DLGAP4: variants seen among roughly 807,000 people sequenced by gnomAD.
The protein encoded by DLGAP4 is DLG associated protein 4.
DLGAP4 carries 18 observed loss-of-function variants against 86.9 expected under a neutral mutation model. The ratio of observed to expected loss-of-function variants is 0.21; its 90% CI spans 0.14 to 0.31. DLGAP4 has a LOEUF of 0.31. DLGAP4 is among the 10% of genes least tolerant of loss of function. DLGAP4 has a pLI of 1.00. For synonymous variants in DLGAP4, 548 were observed against 574.3 expected (o/e 0.95, Z 0.65); for missense variants, 1,085 against 1,362.6 (o/e 0.80, Z 3.21).
intron 1 of DLGAP4, among the ~76,000 whole-genome samples, chr20:36,330,973 A>G (rs943815128): frequency 6.6e-6 from 1 of 152,296 alleles, no homozygotes; most frequent in East Asian, 1.9e-4. Context: ...TATTACTATT[A>G]TGAGTATCAT....
At chr20:36,501,010 C>T (rs2036121239) in intron 10 of DLGAP4, among the ~76,000 whole-genome samples, 1 of 151,750 alleles carries the variant, frequency 6.6e-6, no homozygotes, top group East Asian at 1.9e-4. Flanking sequence ...TGTGAAGGGC[C>T]TGATGACCTG....
At chr20:36,449,687 C>T (rs1318237212) in intron 7 of DLGAP4, among the ~76,000 whole-genome samples, 3 of 152,156 alleles carry the variant, frequency 2.0e-5, no homozygotes, top group Non-Finnish European at 4.4e-5. Flanking sequence ...TAGACAGCAC[C>T]CCTAGCAATT....
intron 2 of DLGAP4, among the ~76,000 whole-genome samples, chr20:36,417,080 T>C (rs957685223): frequency 2.0e-5 from 3 of 152,084 alleles, no homozygotes; most frequent in Non-Finnish European, 4.4e-5. Context: ...AGCAGGATAA[T>C]CAGAGACCCT....
At chr20:36,513,901 T>C (rs149336777) in intron 10 of DLGAP4, among the ~76,000 whole-genome samples, 7 of 152,194 alleles carry the variant, frequency 4.6e-5, no homozygotes, top group Non-Finnish European at 1.0e-4. Context: ...AAATTTGATA[T>C]GCTTTGTTAG....
chr20:36,439,737 T>C lies in DLGAP4; in HGVS notation c.1242-17T>C, dbSNP rs538760499. 1 of 1,607,210 alleles carries C rather than the reference T, an allele frequency of 6.2e-7. No homozygotes were observed. Among genetic ancestry groups the C allele is most frequent in the Non-Finnish European group, 8.5e-7 (1 of 1,176,576 alleles). ...AATGGGTGGGCTGAGCCCTGTCTGC[T>C]CCCCACTCCCCACCAGGAGTCTGGA... On this transcript the variant is annotated splice_polypyrimidine_tract_variant and intron_variant, in intron 4 of 12. Transcript: ENST00000339266.
chr20:36,517,076 C>T (rs1285353988), intron 10 of DLGAP4, among the ~76,000 whole-genome samples: 1 of 145,564 alleles, frequency 6.9e-6, no homozygotes. Context: ...GAACCTGTGT[C>T]TTAAAAAAAA....
chr20:36,405,481 A>G (rs1384911165), intron 2 of DLGAP4, among the ~76,000 whole-genome samples: 1 of 152,130 alleles, frequency 6.6e-6, no homozygotes, highest in Non-Finnish European at 1.5e-5. Context: ...AGGCTGGGAC[A>G]TTTCTGGCAG....
rs377116384 is a variant in DLGAP4, at chr20:36,373,541, C to T, written c.-73+6266C>T. ...CCTGGGCCTGTGTACCATCCACCAC[C>T]AGCTGGGGGTGGGGTCAATACCACT... On this transcript the variant is annotated intron_variant, in intron 2 of 12. Transcript: ENST00000339266. Among the ~76,000 whole-genome samples the T allele has an allele frequency of 1.1e-4, 16 of 152,220 alleles. No homozygotes were observed. The East Asian group carries it at 1.4e-3, about 13-fold the overall frequency.
At chr20:36,499,409 T>G in intron 8 of DLGAP4, 179 bp from the exon 9 acceptor site, 1 of 1,386,226 alleles carries the variant, frequency 7.2e-7, no homozygotes, top group Non-Finnish European at 9.8e-7. Flanking sequence ...GAATGAGCAG[T>G]GCCCGGCTTA....
chr20:36,361,978 C>CAAAAA (rs545997891), intron 1 of DLGAP4, among the ~76,000 whole-genome samples: 5 of 48,410 alleles, frequency 1.0e-4, no homozygotes, highest in Admixed American at 2.5e-4. Context: ...GATTCTGTCT[C>CAAAAA]AAAAAAAAAA....
intron 7 of DLGAP4, among the ~76,000 whole-genome samples, chr20:36,495,161 GTTTTAT>G (rs2035836098): frequency 6.6e-6 from 1 of 151,962 alleles, no homozygotes; most frequent in African/African-American, 2.4e-5. Flanking sequence ...CCAGCTGCAT[GTTTTAT>G]TTTTATAAGA....
chr20:36,500,751 A>T lies in DLGAP4; in HGVS notation c.2512+140A>T, dbSNP rs1600664147. 14 of 761,170 alleles carry T rather than the reference A, an allele frequency of 1.8e-5. No homozygotes were observed. In the South Asian group the frequency reaches 2.9e-4, roughly 16 times the overall value. 47.2% of individuals were successfully genotyped at this position (761,170 alleles called of 1,614,324 possible). ...GGGCTAGTTTTTGAGCTCCCTTCTT[A>T]CTTTCTTCGCATTCTTCCATCCATC... On this transcript the variant is annotated intron_variant, in intron 10 of 12. Transcript: ENST00000339266. The surrounding 1 kb of genome is among the most constrained non-coding windows in gnomAD (Gnocchi z 4.6).
rs1169925315 is a variant in DLGAP4 at position 36,352,981 on chromosome 20, G to A, written c.-303-14064G>A. ...GCTGCTCAGCAGGCCCAGGTTCTGCGCTGCCCTCACCTCCTCCTGCGTCCA... is the reference window on the plus strand; with the variant it reads ...GCTGCTCAGCAGGCCCAGGTTCTGCACTGCCCTCACCTCCTCCTGCGTCCA... On this transcript the variant is annotated intron_variant, in intron 1 of 12. Coordinates refer to ENST00000339266, the MANE Select transcript of DLGAP4 (RefSeq NM_001365621.2). Among the ~76,000 whole-genome samples, 5 of 152,190 alleles carry A rather than the reference G, an allele frequency of 3.3e-5. No homozygotes were observed. In the South Asian group the frequency reaches 6.2e-4, roughly 19 times the overall value.
intron 1 of DLGAP4, among the ~76,000 whole-genome samples, chr20:36,336,903 C>G (rs569793192): frequency 6.6e-6 from 1 of 152,362 alleles, no homozygotes; most frequent in Non-Finnish European, 1.5e-5. Context: ...AGAGGGGCCC[C>G]CAGCCCGCAC....
At chr20:36,336,298 G>A (rs1230406268) in intron 1 of DLGAP4, among the ~76,000 whole-genome samples, 3 of 152,122 alleles carry the variant, frequency 2.0e-5, no homozygotes, top group African/African-American at 7.2e-5. Context: ...ACCAATATTG[G>A]CAGCTCCATC....
intron 10 of DLGAP4, among the ~76,000 whole-genome samples, chr20:36,508,571 C>A (rs990217485): frequency 1.3e-5 from 2 of 152,108 alleles, no homozygotes; most frequent in Non-Finnish European, 2.9e-5. Context: ...GGATTACAGG[C>A]ATGTGCCACC....
At chr20:36,313,610 G>T (rs2065071714) in intron 1 of DLGAP4, among the ~76,000 whole-genome samples, 2 of 152,224 alleles carry the variant, frequency 1.3e-5, no homozygotes, top group East Asian at 1.9e-4. Context: ...CTGCTGGGGG[G>T]GCAGGGCCGT....
rs1421166807 is a variant in DLGAP4 at position 36,446,945 on chromosome 20, C to A, written c.1648+8C>A. 1.3e-6 allele frequency: 2 copies of A among 1,598,814 alleles called. No individual in the cohort carries two copies. The highest frequency in any genetic ancestry group is 1.1e-5 in the South Asian group (1 of 90,460). ...ATAGTCGCACGCTTCCGAGTGAGTA[C>A]TGTGATGAGGGAAGGGGTTTTTTTT... On this transcript the variant is annotated splice_region_variant and intron_variant, in intron 7 of 12. Coordinates refer to ENST00000339266, the MANE Select transcript of DLGAP4 (RefSeq NM_001365621.2).
At chr20:36,505,515 C>A (rs1350033536) in intron 10 of DLGAP4, among the ~76,000 whole-genome samples, 1 of 152,064 alleles carries the variant, frequency 6.6e-6, no homozygotes, top group East Asian at 1.9e-4. Flanking sequence ...TGGCTCATGC[C>A]TGTAATCCCA....
Sources: gnomAD v4.1 joint callset for allele counts (sites outside exome capture counted in the v4.1 genomes callset) on GRCh38, gnomAD v4.1.1 for gene constraint, Gnocchi (gnomAD v3.1) non-coding constraint, MANE v1.5 for transcripts, NCBI Gene and HGNC (gene_info 2026-07-23, HGNC 2026-07-21) for gene names.